Variants in CHRM5 observed in about 807,000 individuals in gnomAD.
CHRM5 encodes muscarinic acetylcholine receptor M5.
In CHRM5, 18 loss-of-function variants were observed where a neutral mutation model predicts 39.0. The observed-to-expected ratio is 0.46, with a 90% CI of 0.32 to 0.68. The LOEUF is 0.68. CHRM5 is among the 30% of genes least tolerant of loss of function. The pLI, the probability that CHRM5 is intolerant of heterozygous loss-of-function variation, is 0.04. For synonymous variants in CHRM5, 241 were observed against 246.3 expected (o/e 0.98, Z 0.20); for missense variants, 515 against 651.1 (o/e 0.79, Z 2.28).
intron 1 of CHRM5, among the ~76,000 whole-genome samples, chr15:34,040,488 G>A (rs1455463263): frequency 3.9e-5 from 6 of 152,182 alleles, no homozygotes; most frequent in Admixed American, 6.5e-5. Context: ...AGTAACACTT[G>A]TAGAGCACTT....
intron 2 of CHRM5, among the ~76,000 whole-genome samples, chr15:34,056,077 G>A (rs1900137080): frequency 6.6e-6 from 1 of 152,134 alleles, no homozygotes; most frequent in African/African-American, 2.4e-5. Context: ...AAAATATGCT[G>A]AGGGCTGTTT....
At chr15:34,000,677 A>T (rs926162215) in intron 1 of CHRM5, among the ~76,000 whole-genome samples, 22 of 152,354 alleles carry the variant, frequency 1.4e-4, no homozygotes, top group African/African-American at 5.3e-4. Context: ...AATGAAGTTG[A>T]CCTCTCGAAA....
chr15:34,058,369 C>T (rs1900228073), intron 2 of CHRM5, among the ~76,000 whole-genome samples: 1 of 152,140 alleles, frequency 6.6e-6, no homozygotes, highest in South Asian at 2.1e-4. Flanking sequence ...AGCTCTTGAA[C>T]TAGGCTCCAA....
intron 2 of CHRM5, among the ~76,000 whole-genome samples, chr15:34,051,877 A>T (rs1412086266): frequency 1.3e-5 from 2 of 152,034 alleles, no homozygotes; most frequent in African/African-American, 4.8e-5. Context: ...AGAAAAAAAA[A>T]ACCCAGGACC....
At chr15:34,003,121 TC>T in intron 1 of CHRM5, 1 of 1,613,870 alleles carries the variant, frequency 6.2e-7, no homozygotes. Flanking sequence ...TTGATATCGA[TC>T]CCAGTTAGAG....
At chr15:34,058,319 T>G (rs1223120950) in intron 2 of CHRM5, among the ~76,000 whole-genome samples, 1 of 152,108 alleles carries the variant, frequency 6.6e-6, no homozygotes, top group Admixed American at 6.6e-5. Flanking sequence ...ATCACACTAT[T>G]GATAAATAAA....
At position 34,005,247 on chromosome 15, in the gene CHRM5, G is replaced by A. The variant is rs117994132; in HGVS notation, c.-408+36097G>A. On this transcript the variant is annotated intron_variant, in intron 1 of 2. Coordinates refer to ENST00000383263, the MANE Select transcript of CHRM5 (RefSeq NM_012125.4). ...ACATCCAGGCTAGTTCCAAATTTCC[G>A]TAACCCAAAAAATGTCCTATACAGC... 5.9e-3 allele frequency among the ~76,000 whole-genome samples: 901 copies of A among 151,750 alleles called. 20 individuals carry two copies. The highest frequency in any genetic ancestry group is 0.042 in the Admixed American group (637 of 15,236).
intron 1 of CHRM5, among the ~76,000 whole-genome samples, chr15:33,974,001 A>G (rs1895760950): frequency 1.3e-5 from 2 of 152,220 alleles, no homozygotes; most frequent in Non-Finnish European, 2.9e-5. Context: ...AGTAGTTTAT[A>G]CTGAAATAAT....
At chr15:34,008,207 G>A (rs1597342807) in intron 1 of CHRM5, among the ~76,000 whole-genome samples, 1 of 152,034 alleles carries the variant, frequency 6.6e-6, no homozygotes, top group African/African-American at 2.4e-5. Flanking sequence ...GATTGCTTGA[G>A]GCCAGGAGTT....
At chr15:34,019,035 G>T (rs1254697764) in intron 1 of CHRM5, among the ~76,000 whole-genome samples, 2 of 150,800 alleles carry the variant, frequency 1.3e-5, no homozygotes, top group Non-Finnish European at 2.9e-5. Flanking sequence ...GCGCTGATTG[G>T]TGCGTTTTTT....
At chr15:34,054,003 A>T (rs1900039296) in intron 2 of CHRM5, among the ~76,000 whole-genome samples, 1 of 152,168 alleles carries the variant, frequency 6.6e-6, no homozygotes, top group African/African-American at 2.4e-5. Flanking sequence ...CCCCATCAAA[A>T]AGTGGGCAAA....
At chr15:33,985,920 C>G (rs1220706131) in intron 1 of CHRM5, among the ~76,000 whole-genome samples, 1 of 152,130 alleles carries the variant, frequency 6.6e-6, no homozygotes, top group Non-Finnish European at 1.5e-5. Flanking sequence ...ATGATTCTCT[C>G]AAGGGCAGAA....
At chr15:33,985,813 T>C (rs1371333978) in intron 1 of CHRM5, among the ~76,000 whole-genome samples, 1 of 152,122 alleles carries the variant, frequency 6.6e-6, no homozygotes, top group Non-Finnish European at 1.5e-5. Context: ...TTAAGCTTCA[T>C]TCTATTAATT....
Position 34,063,064 on chromosome 15 carries a change from C to T in CHRM5, c.347C>T (p.Ala116Val). Residue 116 changes from alanine to valine, a missense_variant, in exon 3 of 3, where the codon GCT (alanine) becomes GTT (valine). By Grantham distance (64) the Ala-to-Val change is moderately conservative. Coordinates refer to ENST00000383263, the MANE Select transcript of CHRM5 (RefSeq NM_012125.4). The surrounding 1 kb of genome is among the most constrained non-coding windows in gnomAD (Gnocchi z 4.1). ...GCACTGGACTACGTGGCCAGCAACG[C>T]TTCTGTCATGAACCTTCTGGTGATC... ...WLALDYVASN[A>V]SVMNLLVISF... is the part of the protein sequence containing the mutation. 6.2e-7 allele frequency: 1 copy of T among 1,614,224 alleles called. No homozygotes were observed. Among genetic ancestry groups the T allele is most frequent in the Non-Finnish European group, 8.5e-7 (1 of 1,180,042 alleles).
chr15:34,031,198 G>C (rs1184953399), intron 1 of CHRM5, among the ~76,000 whole-genome samples: 1 of 61,280 alleles, frequency 1.6e-5, no homozygotes, highest in Admixed American at 2.4e-4. Flanking sequence ...TTTTGAGACT[G>C]AGTTTTGCTC....
chr15:34,020,293 C>T (rs926868736), intron 1 of CHRM5, among the ~76,000 whole-genome samples: 8 of 148,586 alleles, frequency 5.4e-5, no homozygotes, highest in African/African-American at 2.0e-4. Flanking sequence ...CCTGGGTGAC[C>T]GAGCGAGACT....
intron 1 of CHRM5, chr15:33,990,886 T>A (rs1424970899): frequency 6.6e-6 from 1 of 152,198 alleles, no homozygotes; most frequent in African/African-American, 2.4e-5. Context: ...GATTTTAATA[T>A]AATAGAAGCA....
chr15:34,001,987 A>G (rs1431568889), intron 1 of CHRM5, among the ~76,000 whole-genome samples: 1 of 152,178 alleles, frequency 6.6e-6, no homozygotes, highest in Non-Finnish European at 1.5e-5. Context: ...TAACCTGGCA[A>G]TAATTATTTA....
chr15:34,007,452 C>G (rs116573318), intron 1 of CHRM5, among the ~76,000 whole-genome samples: 3,483 of 152,284 alleles, frequency 0.023, 146 homozygotes, highest in African/African-American at 0.08. Context: ...AAACCAGGCA[C>G]GCTTTTCCTC....
Sources: gnomAD v4.1 joint callset for allele counts (sites outside exome capture counted in the v4.1 genomes callset) on GRCh38, gnomAD v4.1.1 for gene constraint, Gnocchi (gnomAD v3.1) non-coding constraint, MANE v1.5 for transcripts, NCBI Gene and HGNC (gene_info 2026-07-23, HGNC 2026-07-21) for gene names.